CRAMP1: variants seen among roughly 807,000 people sequenced by gnomAD.
The protein encoded by CRAMP1 is cramped chromatin regulator 1, also known as protein cramped-like.
A neutral mutation model predicts 115.4 loss-of-function variants in CRAMP1; 50 were observed. The observed-to-expected ratio is 0.43, with a 90% CI of 0.35 to 0.55. The LOEUF (loss-of-function observed/expected upper bound fraction) is 0.55. Ranked by LOEUF, CRAMP1 falls within the 20% of genes least tolerant of loss-of-function variation. CRAMP1 has a pLI of 0.01. For synonymous variants in CRAMP1, 866 were observed against 745.4 expected (o/e 1.16, Z -2.64); for missense variants, 1,679 against 1,721.7 (o/e 0.98, Z 0.44).
intron 6 of CRAMP1, among the ~76,000 whole-genome samples, chr16:1,641,483 T>A (rs1055777662): frequency 6.6e-6 from 1 of 152,204 alleles, no homozygotes; most frequent in Admixed American, 6.5e-5. Context: ...CTTTTTGTGC[T>A]CCTTTTCCTC....
chr16:1,652,196 A>C (rs948570423), intron 6 of CRAMP1, among the ~76,000 whole-genome samples: 4 of 152,218 alleles, frequency 2.6e-5, no homozygotes, highest in Non-Finnish European at 5.9e-5. Context: ...TGGCTTTTCC[A>C]GGGATGGGAC....
At chr16:1,638,551 C>T (rs751243375) in intron 5 of CRAMP1, among the ~76,000 whole-genome samples, 2 of 152,174 alleles carry the variant, frequency 1.3e-5, no homozygotes, top group African/African-American at 2.4e-5. Flanking sequence ...TTTGACACGA[C>T]CTCTAGGTAG....
chr16:1,655,900 G>A lies in CRAMP1; in HGVS notation c.1143G>A (p.Gln381=). The change falls in exon 10 of 21, where the codon CAG becomes CAA. Residue 381 remains glutamine, a synonymous_variant. Transcript: ENST00000397412. ...AGCGGAAGACACTCGAGGAGCGGCA[G>A]CTGCAGGACTCATGCTCCGCACCGA... The part of the protein sequence containing the change: ...VRVRKTLEER[Q]LQDSCSAPMQ... 6.2e-7 allele frequency: 1 copy of A among 1,610,212 alleles called. No individual in the cohort carries two copies. Among genetic ancestry groups the A allele is most frequent in the Non-Finnish European group, 8.5e-7 (1 of 1,177,596 alleles).
At chr16:1,617,035 A>G (rs935194693) in intron 2 of CRAMP1, among the ~76,000 whole-genome samples, 2 of 151,210 alleles carry the variant, frequency 1.3e-5, no homozygotes, top group African/African-American at 4.9e-5. Context: ...CGTGTTAGCC[A>G]GGATGGTCTC....
At chr16:1,632,592 C>G (rs1249268757) in intron 4 of CRAMP1, among the ~76,000 whole-genome samples, 1 of 152,250 alleles carries the variant, frequency 6.6e-6, no homozygotes, top group African/African-American at 2.4e-5. Context: ...GGGTTCTTAC[C>G]ACTGCTTTTC....
chr16:1,627,393 A>G (rs2036516588), intron 3 of CRAMP1, among the ~76,000 whole-genome samples: 1 of 152,126 alleles, frequency 6.6e-6, no homozygotes, highest in Non-Finnish European at 1.5e-5. Flanking sequence ...CAATCTGCCC[A>G]CTTTGGCCTC....
chr16:1,653,554 G>C (rs1400019395), intron 8 of CRAMP1, among the ~76,000 whole-genome samples: 1 of 152,240 alleles, frequency 6.6e-6, no homozygotes, highest in Non-Finnish European at 1.5e-5. Context: ...AGGTGACCGG[G>C]TGCAGAGGCT....
chr16:1,635,498 G>A (rs1459377537), intron 4 of CRAMP1, among the ~76,000 whole-genome samples: 1 of 152,208 alleles, frequency 6.6e-6, no homozygotes, highest in African/African-American at 2.4e-5. Flanking sequence ...TGCCACCTAG[G>A]AGGCCGTGGG....
In CRAMP1 at chr16:1,677,644, C is replaced by T. The variant is rs2036981949; in HGVS notation, c.*3599C>T. The T allele has an allele frequency of 2.0e-5, 3 of 152,598 alleles. No homozygotes were observed. Among genetic ancestry groups the T allele is most frequent in the Non-Finnish European group, 4.4e-5 (3 of 68,032 alleles). 9.5% of individuals were successfully genotyped at this position (152,598 alleles called of 1,614,324 possible). A position where few individuals can be genotyped will look rare whatever the true frequency, so the allele number is the denominator to read the frequency against. On this transcript the variant is annotated 3_prime_UTR_variant, in exon 21 of 21. Coordinates refer to ENST00000397412, the MANE Select transcript of CRAMP1 (RefSeq NM_020825.4). ...TCTCTCTTACTCGGTTAAGCCATAG[C>T]GAGGCCTCCGCTCGTTTCAGATATG...
Position 1,656,797 on chromosome 16 carries a change from G to A in CRAMP1, c.2040G>A (p.Leu680=). 1 of 1,548,392 alleles carries A rather than the reference G, an allele frequency of 6.5e-7. No homozygotes were observed. Among genetic ancestry groups the A allele is most frequent in the Non-Finnish European group, 8.7e-7 (1 of 1,145,340 alleles). The change falls in exon 10 of 21, where the codon CTG becomes CTA. Residue 680 remains leucine, a synonymous_variant. Transcript: ENST00000397412. The surrounding 1 kb of genome is among the most constrained non-coding windows in gnomAD (Gnocchi z 5.6). ...AQQLREEGWN[L]QTSESLTLAE... is the part of the protein sequence containing the mutation. ...AGCTCCGTGAGGAGGGCTGGAACCT[G>A]CAGACCTCCGAAAGCCTCACGCTGG...
intron 13 of CRAMP1, among the ~76,000 whole-genome samples, chr16:1,663,306 A>G (rs2036848368): frequency 6.6e-6 from 1 of 152,196 alleles, no homozygotes; most frequent in South Asian, 2.1e-4. Flanking sequence ...AAATACAGAA[A>G]GTGAGGTGGG....
rs944695080 is a variant in CRAMP1, at chr16:1,666,729, A to G, written c.3036+129A>G. The G allele has an allele frequency of 1.4e-5, 12 of 841,232 alleles. No individual in the cohort carries two copies. The highest frequency in any genetic ancestry group is 2.1e-5 in the Non-Finnish European group (11 of 534,486). The allele number at this position is 841,232 out of a possible 1,614,324, so 52.1% of individuals were successfully genotyped here. ...GGAGAGTCTCTGGACCAGGGGTGCCATGGCATAAGCAAACTCTGTGTAGTA... is the reference window on the plus strand; with the variant it reads ...GGAGAGTCTCTGGACCAGGGGTGCCGTGGCATAAGCAAACTCTGTGTAGTA... On this transcript the variant is annotated intron_variant, in intron 16 of 20. Transcript: ENST00000397412. The surrounding 1 kb of genome is among the most constrained non-coding windows in gnomAD (Gnocchi z 5.0).
rs183320165 is a variant in CRAMP1 at position 1,665,613 on chromosome 16, G to A, written c.2753-460G>A. Among the ~76,000 whole-genome samples, 172 of 152,244 alleles carry A rather than the reference G, an allele frequency of 1.1e-3. 1 individual carries two copies. Among genetic ancestry groups the A allele is most frequent in the Non-Finnish European group, 1.3e-4 (9 of 68,016 alleles). On this transcript the variant is annotated intron_variant, in intron 14 of 20. Transcript: ENST00000397412. ...CTTTTCTACCAGTGTTGACTTCCAC[G>A]TCTCTCACTGACTTATTGCAAGACC... is the stretch of plus-strand genomic sequence containing the variant.
chr16:1,660,646 C>T (rs1409228758), intron 11 of CRAMP1, among the ~76,000 whole-genome samples: 1 of 152,208 alleles, frequency 6.6e-6, no homozygotes, highest in African/African-American at 2.4e-5. Flanking sequence ...TGGCTTTCAA[C>T]CCATAGTATT....
At chr16:1,619,274 A>G (rs2036446529) in intron 2 of CRAMP1, among the ~76,000 whole-genome samples, 1 of 152,194 alleles carries the variant, frequency 6.6e-6, no homozygotes, top group Non-Finnish European at 1.5e-5. Flanking sequence ...TCCGCCTCAC[A>G]GGTTCAAGCA....
chr16:1,632,295 C>A lies in CRAMP1; in HGVS notation c.624C>A (p.Asn208Lys). The change falls in exon 4 of 21, where the codon AAC (asparagine) becomes AAA (lysine). Residue 208 changes from asparagine to lysine, a missense_variant. Around this residue, in one of 8 missense-constraint regions of CRAMP1, gnomAD observed 44 missense variants for 92.4 expected, o/e 0.48. Coordinates refer to ENST00000397412, the MANE Select transcript of CRAMP1 (RefSeq NM_020825.4). ...GCAAGCCAGCAAGCATGGTGAAGAACAAGGAGCAGGTCCGCCACTTCTACT... is the reference window on the plus strand; with the variant it reads ...GCAAGCCAGCAAGCATGGTGAAGAAAAAGGAGCAGGTCCGCCACTTCTACT... ...KKGKPASMVKNKEQVRHFYYR... is the reference protein window; with the variant it reads ...KKGKPASMVKKKEQVRHFYYR... 1 of 1,600,124 alleles carries A rather than the reference C, an allele frequency of 6.2e-7. No homozygotes were observed. The highest frequency in any genetic ancestry group is 1.7e-5 in the Admixed American group (1 of 57,654).
intron 6 of CRAMP1, among the ~76,000 whole-genome samples, chr16:1,651,262 G>A: frequency 6.6e-6 from 1 of 151,576 alleles, no homozygotes; most frequent in Non-Finnish European, 1.5e-5. Context: ...TCACACGGTG[G>A]ACTGAGATCA....
At chr16:1,655,361 G>A (rs1444907204) in intron 9 of CRAMP1, 61 bp downstream of exon 9, 24 of 1,313,950 alleles carry the variant, frequency 1.8e-5, no homozygotes, top group Non-Finnish European at 2.5e-5. Context: ...CCCAGAGATG[G>A]ACCACGCCTC....
intron 4 of CRAMP1, among the ~76,000 whole-genome samples, chr16:1,635,761 G>A (rs763109227): frequency 5.9e-5 from 9 of 152,346 alleles, no homozygotes; most frequent in South Asian, 4.1e-4. Context: ...TGCAGCCATT[G>A]CCACTCTCTA....
Sources: gnomAD v4.1 joint callset for allele counts (sites outside exome capture counted in the v4.1 genomes callset) on GRCh38, gnomAD v4.1.1 for gene constraint, gnomAD v4.1.1 regional missense constraint, Gnocchi (gnomAD v3.1) non-coding constraint, MANE v1.5 for transcripts, NCBI Gene and HGNC (gene_info 2026-07-23, HGNC 2026-07-21) for gene names.